Variants in DDHD1 observed in about 807,000 individuals in gnomAD.
The protein encoded by DDHD1 is DDHD domain containing 1.
In DDHD1, 49 loss-of-function variants were observed where a neutral mutation model predicts 96.4. The ratio of observed to expected loss-of-function variants is 0.51; its 90% CI spans 0.40 to 0.64. The LOEUF (loss-of-function observed/expected upper bound fraction) is 0.64, where lower values mean the gene tolerates loss of function less well. Among genes scored for constraint, DDHD1 ranks in the 30% least tolerant of loss-of-function variants. The pLI, the probability that DDHD1 is intolerant of heterozygous loss-of-function variation, is 0.00. For synonymous variants in DDHD1, 442 were observed against 446.5 expected, an observed-to-expected ratio of 0.99 and a Z score of 0.13; for missense variants, 1,106 against 1,161.2, an observed-to-expected ratio of 0.95 and a Z score of 0.69.
chr14:53,152,348 G>A lies in DDHD1; in HGVS notation c.751C>T (p.Leu251Phe), dbSNP rs770654348. 3.0e-5 allele frequency: 48 copies of A among 1,613,854 alleles called. No individual in the cohort carries two copies. In the Admixed American group the frequency reaches 8.0e-4, roughly 27 times the overall value. The change falls in exon 1 of 13, where the codon CTT becomes TTT. Residue 251 changes from leucine to phenylalanine, a missense_variant. Leu to Phe is a conservative substitution (Grantham distance 22). This residue lies in a region of DDHD1 where 456 missense variants were observed against 402.4 expected (regional missense o/e 1.13). Transcript: ENST00000673822. ...TTGHEPEMVE[L>F]VNIEPVCVRG... ...ACGCACACAGGCTCGATGTTCACAA[G>A]CTCCACCATCTCCGGCTCGTGCCCC...
chr14:53,144,008 C>A (rs138745476), intron 1 of DDHD1, among the ~76,000 whole-genome samples: 1 of 152,288 alleles, frequency 6.6e-6, no homozygotes, highest in African/African-American at 2.4e-5. Flanking sequence ...GAGAATCCTG[C>A]CAGGCAATTA....
rs780028186 is a variant in DDHD1 at position 53,046,081 on chromosome 14, C to G, written c.*687G>C. The G allele has an allele frequency of 7.2e-5, 11 of 152,028 alleles. No homozygotes were observed. The highest frequency in any genetic ancestry group is 1.3e-4 in the Non-Finnish European group (9 of 67,982). The allele number at this position is 152,028 out of a possible 1,614,324, so 9.4% of individuals were successfully genotyped here. A position where few individuals can be genotyped will look rare whatever the true frequency, so the allele number is the denominator to read the frequency against. The stretch of plus-strand genomic sequence containing the variant: ...ATGTATGCCACAGTGTCTATATATT[C>G]ATCTGAAGAGTACAAAGATGGAGTT... On this transcript the variant is annotated 3_prime_UTR_variant, in exon 13 of 13. Coordinates refer to ENST00000673822, the MANE Select transcript of DDHD1 (RefSeq NM_001160148.2).
At chr14:53,076,288 T>TC (rs1196518484) in intron 4 of DDHD1, among the ~76,000 whole-genome samples, 1 of 152,142 alleles carries the variant, frequency 6.6e-6, no homozygotes, top group East Asian at 1.9e-4. Flanking sequence ...AGAAATGGAT[T>TC]CCAACCCTCA....
intron 4 of DDHD1, among the ~76,000 whole-genome samples, chr14:53,079,846 G>A (rs2139944725): frequency 6.6e-6 from 1 of 152,164 alleles, no homozygotes; most frequent in East Asian, 1.9e-4. Flanking sequence ...AAAGCCTTGT[G>A]CATGCCTCTT....
At chr14:53,087,911 G>T (rs567453076) in intron 4 of DDHD1, among the ~76,000 whole-genome samples, 1 of 152,128 alleles carries the variant, frequency 6.6e-6, no homozygotes, top group East Asian at 1.9e-4. Context: ...TTGATAGACC[G>T]CTAGCAAGAC....
intron 4 of DDHD1, among the ~76,000 whole-genome samples, chr14:53,089,966 T>C (rs1169080279): frequency 2.0e-5 from 3 of 152,194 alleles, no homozygotes; most frequent in Non-Finnish European, 4.4e-5. Context: ...ATTTTTGCTA[T>C]CTACCCATTT....
intron 6 of DDHD1, among the ~76,000 whole-genome samples, chr14:53,069,963 TC>T (rs1884373516): frequency 6.6e-6 from 1 of 152,174 alleles, no homozygotes; most frequent in Non-Finnish European, 1.5e-5. Context: ...AGCCATTGGT[TC>T]CCTCTTCCTA....
chr14:53,141,610 T>C (rs1890645308), intron 1 of DDHD1, among the ~76,000 whole-genome samples: 1 of 152,206 alleles, frequency 6.6e-6, no homozygotes, highest in Admixed American at 6.5e-5. Context: ...CAGGTTGCCA[T>C]TCTGCAGACT....
intron 1 of DDHD1, among the ~76,000 whole-genome samples, chr14:53,146,525 A>T (rs1290842328): frequency 6.6e-6 from 1 of 152,016 alleles, no homozygotes; most frequent in Admixed American, 6.6e-5. Context: ...ATGAATGTAT[A>T]ATTCAATCTT....
chr14:53,072,844 TG>T, intron 5 of DDHD1, 141 bp from the exon 6 acceptor site: 3 of 468,230 alleles, frequency 6.4e-6, no homozygotes, highest in Non-Finnish European at 1.1e-5. Flanking sequence ...TTGGCTCTAA[TG>T]GATCTTCCCT....
At chr14:53,047,283 A>G (rs1278830949) in intron 12 of DDHD1, among the ~76,000 whole-genome samples, 1 of 152,214 alleles carries the variant, frequency 6.6e-6, no homozygotes, top group Non-Finnish European at 1.5e-5. Flanking sequence ...CCTTGTGCCT[A>G]ATCTATAAAA....
At chr14:53,145,648 G>A (rs781010599) in intron 1 of DDHD1, among the ~76,000 whole-genome samples, 8 of 151,912 alleles carry the variant, frequency 5.3e-5, no homozygotes, top group Non-Finnish European at 1.0e-4. Flanking sequence ...ATATCAGAGA[G>A]ATTTCCATTC....
At chr14:53,139,088 A>C (rs1455303268) in intron 1 of DDHD1, among the ~76,000 whole-genome samples, 1 of 87,346 alleles carries the variant, frequency 1.1e-5, no homozygotes, top group East Asian at 6.2e-4. Flanking sequence ...AAAAAAAAAA[A>C]AACCACACCC....
rs536286147 is a variant in DDHD1 at position 53,064,132 on chromosome 14, G to A, written c.1504-927C>T. On this transcript the variant is annotated intron_variant, in intron 6 of 12. Transcript: ENST00000673822. Reference sequence around the variant, plus strand: ...GAATATGCAGTGTGAAATACTACATGGCTCTGTCTGAAAGGAGCTATAATA... The same window carrying A: ...GAATATGCAGTGTGAAATACTACATAGCTCTGTCTGAAAGGAGCTATAATA... 3.3e-5 allele frequency among the ~76,000 whole-genome samples: 5 copies of A among 152,070 alleles called. No individual in the cohort carries two copies. The South Asian group carries it at 1.0e-3, about 32-fold the overall frequency.
intron 1 of DDHD1, among the ~76,000 whole-genome samples, chr14:53,128,239 C>T (rs1318167595): frequency 1.3e-5 from 2 of 152,320 alleles, no homozygotes; most frequent in East Asian, 1.9e-4. Flanking sequence ...TTCATAGCAG[C>T]ATAAGAATGG....
intron 9 of DDHD1, 66 bp downstream of exon 9, chr14:53,058,411 A>C: frequency 1.3e-6 from 2 of 1,533,370 alleles, no homozygotes; most frequent in Non-Finnish European, 1.8e-6. Flanking sequence ...CACTGTGCCC[A>C]GCTGATAGAT....
intron 6 of DDHD1, among the ~76,000 whole-genome samples, chr14:53,064,510 C>T (rs183548328): frequency 2.1e-4 from 32 of 152,190 alleles, no homozygotes; most frequent in Middle Eastern, 3.4e-3. Context: ...TAAAACATCT[C>T]TCACTACACC....
At chr14:53,122,464 T>C (rs1048520875) in intron 1 of DDHD1, among the ~76,000 whole-genome samples, 4 of 152,194 alleles carry the variant, frequency 2.6e-5, no homozygotes, top group Admixed American at 6.5e-5. Flanking sequence ...TGAGAGGGAA[T>C]GTCTCTTCCT....
Position 53,127,860 on chromosome 14 carries a change from T to C in DDHD1, c.839-24004A>G, listed in dbSNP as rs527310099. On this transcript the variant is annotated intron_variant, in intron 1 of 12. Transcript: ENST00000673822. ...TTTTACATTGAGTTGTATAGTTGTATGAACCAAGACAGAATAAGAAAGGTG... is the reference window on the plus strand; with the variant it reads ...TTTTACATTGAGTTGTATAGTTGTACGAACCAAGACAGAATAAGAAAGGTG... Among the ~76,000 whole-genome samples, 25 of 152,326 alleles carry C rather than the reference T, an allele frequency of 1.6e-4. 1 individual carries two copies. Among genetic ancestry groups the C allele is most frequent in the Admixed American group, 1.6e-3 (24 of 15,302 alleles).
Sources: gnomAD v4.1 joint callset for allele counts (sites outside exome capture counted in the v4.1 genomes callset) on GRCh38, gnomAD v4.1.1 for gene constraint, gnomAD v4.1.1 regional missense constraint, MANE v1.5 for transcripts, NCBI Gene and HGNC (gene_info 2026-07-23, HGNC 2026-07-21) for gene names.